Variants in NOXRED1 observed in about 807,000 individuals in gnomAD.
The protein encoded by NOXRED1 is NADP-dependent oxidoreductase domain-containing protein 1.
NOXRED1 carries 20 observed loss-of-function variants against 30.4 expected under a neutral mutation model. The observed-to-expected ratio is 0.66, with a 90% CI of 0.46 to 0.96. The LOEUF is 0.96. Among genes scored for constraint, NOXRED1 ranks in the 40% least tolerant of loss-of-function variants. The probability of loss-of-function intolerance (pLI) is 0.00; values close to 1 mark genes in which losing one functional copy is unlikely to be tolerated. For synonymous variants in NOXRED1, 155 were observed against 168.0 expected, an observed-to-expected ratio of 0.92 and a Z score of 0.60; for missense variants, 374 against 428.0, an observed-to-expected ratio of 0.87 and a Z score of 1.11.
At chr14:77,425,376 A>ATAGAT (rs150577998), upstream of NOXRED1, among the ~76,000 whole-genome samples, 1,954 of 152,278 alleles carry the variant, frequency 0.013, 31 homozygotes, top group African/African-American at 0.042. Context: ...AACAGCAGAT[A>ATAGAT]TAGATTAGAT....
intron 2 of NOXRED1, among the ~76,000 whole-genome samples, chr14:77,411,412 G>A (rs1339366362): frequency 2.0e-5 from 3 of 148,414 alleles, no homozygotes; most frequent in South Asian, 2.2e-4. Flanking sequence ...TGAGGTTGCC[G>A]TGAGCCGAGA....
Position 77,422,958 on chromosome 14 carries a change from G to T in NOXRED1, c.-69C>A, listed in dbSNP as rs2139708003. 1.5e-6 allele frequency: 2 copies of T among 1,331,918 alleles called. No individual in the cohort carries two copies. Among genetic ancestry groups the T allele is most frequent in the Non-Finnish European group, 2.1e-6 (2 of 948,274 alleles). 82.5% of individuals were successfully genotyped at this position (1,331,918 alleles called of 1,614,324 possible). On this transcript the variant is annotated 5_prime_UTR_variant, in exon 1 of 6. Coordinates refer to ENST00000380835, the MANE Select transcript of NOXRED1 (RefSeq NM_001113475.3). ...GGCTCCCTGTCCCGGTAGAAGAGGG[G>T]TCTATGTAGGAGGTGTGTGTATGAT... is the stretch of plus-strand genomic sequence containing the variant.
intron 4 of NOXRED1, 116 bp downstream of exon 4, chr14:77,406,590 TACACACACACACACACAC>T (rs56942412): frequency 2.3e-4 from 178 of 773,418 alleles, no homozygotes; most frequent in Middle Eastern, 6.6e-4. Context: ...CCTTGTGCCT[TACACACACACACACACAC>T]ACACACACAC....
Position 77,422,923 on chromosome 14 carries a change from T to TA in NOXRED1, c.-35dup. The TA allele has an allele frequency of 6.3e-7, 1 of 1,586,646 alleles. No individual in the cohort carries two copies. The highest frequency in any genetic ancestry group is 1.4e-5 in the African/African-American group (1 of 73,816). On this transcript the variant is annotated 5_prime_UTR_variant, in exon 1 of 6. Coordinates refer to ENST00000380835, the MANE Select transcript of NOXRED1 (RefSeq NM_001113475.3). Reference sequence around the variant, plus strand: ...CACTATTTCCTGCAGTGATAGACACTAATCAATTTGGCTCCCTGTCCCGGT... The same window carrying TA: ...CACTATTTCCTGCAGTGATAGACACTAAATCAATTTGGCTCCCTGTCCCGGT...
intron 5 of NOXRED1, 26 bp downstream of exon 5, chr14:77,405,887 A>G: frequency 2.9e-6 from 4 of 1,367,302 alleles, no homozygotes; most frequent in Non-Finnish European, 4.2e-6. Flanking sequence ...GAGAAATGAG[A>G]ATGGCCAGCT....
chr14:77,414,651 C>G (rs1894764042), intron 1 of NOXRED1, among the ~76,000 whole-genome samples: 1 of 152,136 alleles, frequency 6.6e-6, no homozygotes. Context: ...AAGTATAACC[C>G]TTTTCAAGGG....
At chr14:77,413,206 A>G (rs1386055730) in intron 2 of NOXRED1, among the ~76,000 whole-genome samples, 2 of 147,120 alleles carry the variant, frequency 1.4e-5, no homozygotes, top group East Asian at 4.0e-4. Context: ...CATTGTTCTG[A>G]TTTCTATCAC....
chr14:77,406,290 C>T (rs1894456330), intron 4 of NOXRED1, 155 bp from the exon 5 acceptor site: 1 of 619,380 alleles, frequency 1.6e-6, no homozygotes, highest in East Asian at 2.7e-5. Flanking sequence ...TCCTGAGCCA[C>T]AAGTGCTACT....
At chr14:77,408,308 G>A (rs1032645005) in intron 2 of NOXRED1, among the ~76,000 whole-genome samples, 38 of 152,002 alleles carry the variant, frequency 2.5e-4, no homozygotes, top group Non-Finnish European at 4.3e-4. Flanking sequence ...GGATCCTCCC[G>A]CCTCAGCCTC....
At chr14:77,420,068 G>T (rs1894947439) in intron 1 of NOXRED1, among the ~76,000 whole-genome samples, 1 of 152,038 alleles carries the variant, frequency 6.6e-6, no homozygotes, top group South Asian at 2.1e-4. Context: ...TTTGCACCTT[G>T]CTCTGCCTCT....
In NOXRED1 at chr14:77,399,950, AAAAC is replaced by A. The variant is rs1894282456; in HGVS notation, c.906-5149_906-5146del. ...AAACATATCATTTTGAGACTACAGA[AAAAC>A]AAAAAATCTTGAGATAAGCCAGAGG... On this transcript the variant is annotated intron_variant, in intron 5 of 5. Transcript: ENST00000380835. 4.6e-5 allele frequency among the ~76,000 whole-genome samples: 7 copies of A among 152,160 alleles called. No homozygotes were observed. The South Asian group carries it at 1.4e-3, about 32-fold the overall frequency.
chr14:77,396,727 A>G (rs141146948), intron 5 of NOXRED1, among the ~76,000 whole-genome samples: 1 of 152,356 alleles, frequency 6.6e-6, no homozygotes, highest in Admixed American at 6.5e-5. Context: ...TTAGATGTAA[A>G]TCCAATAAAA....
chr14:77,410,091 C>G (rs1416965639), intron 2 of NOXRED1, among the ~76,000 whole-genome samples: 1 of 151,856 alleles, frequency 6.6e-6, no homozygotes, highest in Non-Finnish European at 1.5e-5. Flanking sequence ...GCATGAGCCA[C>G]CATGCCCAGT....
At chr14:77,402,073 G>A (rs1006230067) in intron 5 of NOXRED1, among the ~76,000 whole-genome samples, 1 of 152,152 alleles carries the variant, frequency 6.6e-6, no homozygotes, top group Non-Finnish European at 1.5e-5. Context: ...TAAAACTCCT[G>A]GAAGATAACA....
intron 5 of NOXRED1, among the ~76,000 whole-genome samples, chr14:77,404,483 A>G (rs1425027126): frequency 6.6e-6 from 1 of 152,190 alleles, no homozygotes; most frequent in East Asian, 1.9e-4. Context: ...TTGAGTGGAG[A>G]TGGTGAATAC....
At chr14:77,408,788 AAC>A (rs1188283130) in intron 2 of NOXRED1, among the ~76,000 whole-genome samples, 1 of 152,072 alleles carries the variant, frequency 6.6e-6, no homozygotes, top group Non-Finnish European at 1.5e-5. Flanking sequence ...GCAAAGATTT[AAC>A]AGTTTCTGTA....
chr14:77,399,593 T>A (rs1894271583), intron 5 of NOXRED1, among the ~76,000 whole-genome samples: 1 of 152,114 alleles, frequency 6.6e-6, no homozygotes, highest in Non-Finnish European at 1.5e-5. Flanking sequence ...ATGAAGAATA[T>A]CTTTGAGGCC....
At chr14:77,407,166 T>C (rs1894491380) in intron 3 of NOXRED1, among the ~76,000 whole-genome samples, 3 of 152,268 alleles carry the variant, frequency 2.0e-5, no homozygotes, top group Admixed American at 2.0e-4. Context: ...ATGGTTTCTC[T>C]TCTCATTGAT....
At chr14:77,401,122 C>T (rs1402893348) in intron 5 of NOXRED1, among the ~76,000 whole-genome samples, 1 of 152,118 alleles carries the variant, frequency 6.6e-6, no homozygotes, top group Non-Finnish European at 1.5e-5. Context: ...TGCCTGTAAT[C>T]CCAGCACTTT....
Sources: gnomAD v4.1 joint callset for allele counts (sites outside exome capture counted in the v4.1 genomes callset) on GRCh38, gnomAD v4.1.1 for gene constraint, MANE v1.5 for transcripts, NCBI Gene and HGNC (gene_info 2026-07-23, HGNC 2026-07-21) for gene names.